Variants in DCTD observed in about 807,000 individuals in gnomAD.
DCTD encodes the protein dCMP deaminase.
In DCTD, 23 loss-of-function variants were observed where a neutral mutation model predicts 21.0. The ratio of observed to expected loss-of-function variants is 1.09; its 90% CI spans 0.79 to 1.55. The LOEUF (loss-of-function observed/expected upper bound fraction) is 1.55. Ranked by LOEUF, DCTD falls within the 40% of genes most tolerant of loss-of-function variation. DCTD has a pLI of 0.00. For missense variants in DCTD, 224 were observed against 230.0 expected, an observed-to-expected ratio of 0.97 and a Z score of 0.17; for synonymous variants, 71 against 81.1, an observed-to-expected ratio of 0.88 and a Z score of 0.67.
intron 3 of DCTD, among the ~76,000 whole-genome samples, chr4:182,904,420 C>T (rs1233463616): frequency 6.6e-6 from 1 of 152,210 alleles, no homozygotes; most frequent in Non-Finnish European, 1.5e-5. Context: ...GAGCGCTAAT[C>T]AGCGCTGATA....
chr4:182,907,441 T>C (rs148226738), intron 3 of DCTD, among the ~76,000 whole-genome samples: 1 of 152,192 alleles, frequency 6.6e-6, no homozygotes, highest in Non-Finnish European at 1.5e-5. Context: ...TCAGCTAGGA[T>C]CTTTTTCTTT....
chr4:182,910,856 G>A (rs945142020), intron 3 of DCTD, among the ~76,000 whole-genome samples: 4 of 152,164 alleles, frequency 2.6e-5, no homozygotes, highest in Non-Finnish European at 5.9e-5. Context: ...ACACAGCCCA[G>A]GAAAAGCTCC....
chr4:182,896,165 AGTCCC>A (rs1734691093), intron 3 of DCTD, among the ~76,000 whole-genome samples: 2 of 152,194 alleles, frequency 1.3e-5, no homozygotes, highest in South Asian at 2.1e-4. Context: ...CATACATTTC[AGTCCC>A]GACTCACTTG....
At position 182,893,044 on chromosome 4, in the gene DCTD, C is replaced by T. The variant is rs755893484; in HGVS notation, c.445G>A (p.Gly149Arg). 56 of 1,610,694 alleles carry T rather than the reference C, an allele frequency of 3.5e-5. No individual in the cohort carries two copies. Among genetic ancestry groups the T allele is most frequent in the South Asian group, 6.6e-5 (6 of 90,828 alleles). ...TAARLLFNMA[G>R]VTFRKFIPKC... ...CTCCCCACTTACCGGAATGTCACCCCGGCCATATTAAACAGGAGCCTCGCA... is the reference window on the plus strand; with the variant it reads ...CTCCCCACTTACCGGAATGTCACCCTGGCCATATTAAACAGGAGCCTCGCA... Residue 149 changes from glycine to arginine, a missense_variant, in exon 5 of 6, where the codon GGG becomes AGG. Physicochemically the swap from Gly to Arg is moderately radical, Grantham distance 125. Coordinates refer to ENST00000438320, the MANE Select transcript of DCTD (RefSeq NM_001921.3).
chr4:182,916,757 C>A, intron 1 of DCTD: 1 of 1,103,892 alleles, frequency 9.1e-7, no homozygotes, highest in Non-Finnish European at 1.1e-6. Flanking sequence ...CCATGGGGGG[C>A]GAGGGAAGAG....
intron 3 of DCTD, among the ~76,000 whole-genome samples, chr4:182,904,232 C>T (rs1327392754): frequency 1.3e-5 from 2 of 152,124 alleles, no homozygotes; most frequent in African/African-American, 4.8e-5. Context: ...ATAAAGCCCC[C>T]AGAACTCTAA....
intron 3 of DCTD, among the ~76,000 whole-genome samples, chr4:182,905,571 C>T (rs1736557993): frequency 6.6e-6 from 1 of 152,044 alleles, no homozygotes; most frequent in African/African-American, 2.4e-5. Flanking sequence ...TCATGATCTC[C>T]CCGCCTCGGC....
At chr4:182,892,627 CA>C (rs11378889) in intron 5 of DCTD, among the ~76,000 whole-genome samples, 12 of 150,032 alleles carry the variant, frequency 8.0e-5, no homozygotes, top group Admixed American at 6.6e-5. Context: ...GACTCCGTCT[CA>C]AAAAAAAAAG....
chr4:182,915,124 G>C, intron 2 of DCTD, 66 bp from the exon 3 acceptor site: 2 of 1,602,200 alleles, frequency 1.2e-6, no homozygotes, highest in Admixed American at 1.7e-5. Context: ...TGGAAGCAGG[G>C]AATAAAACCA....
At chr4:182,893,956 T>C (rs1398792017) in intron 4 of DCTD, among the ~76,000 whole-genome samples, 1 of 152,234 alleles carries the variant, frequency 6.6e-6, no homozygotes, top group Non-Finnish European at 1.5e-5. Flanking sequence ...ATGTGACAGT[T>C]TGAAAAAGGC....
intron 3 of DCTD, among the ~76,000 whole-genome samples, chr4:182,896,255 C>T (rs1734713851): frequency 6.7e-6 from 1 of 148,838 alleles, no homozygotes. Context: ...CCTCAGCCAC[C>T]CTCTCGTGTT....
At chr4:182,892,560 C>T (rs62337931) in intron 5 of DCTD, among the ~76,000 whole-genome samples, 19,116 of 151,704 alleles carry the variant, frequency 0.13, 1,536 homozygotes, top group Non-Finnish European at 0.19. Flanking sequence ...ACCTGAGAAG[C>T]GGAGGTTGCA....
chr4:182,913,806 C>G (rs1307524359), intron 3 of DCTD, among the ~76,000 whole-genome samples: 1 of 152,132 alleles, frequency 6.6e-6, no homozygotes, highest in African/African-American at 2.4e-5. Flanking sequence ...CCAAGGAATG[C>G]AAGGAAAAGT....
At chr4:182,897,507 C>CATAT (rs10547938) in intron 3 of DCTD, among the ~76,000 whole-genome samples, 4 of 146,974 alleles carry the variant, frequency 2.7e-5, no homozygotes, top group Admixed American at 1.4e-4. Flanking sequence ...ATTTAGCACC[C>CATAT]ATATATATAT....
At chr4:182,908,543 G>A (rs532133244) in intron 3 of DCTD, among the ~76,000 whole-genome samples, 5 of 152,010 alleles carry the variant, frequency 3.3e-5, no homozygotes, top group Admixed American at 1.3e-4. Context: ...TTAACCAGGC[G>A]TGGTGGCACG....
intron 3 of DCTD, among the ~76,000 whole-genome samples, chr4:182,903,236 A>C (rs538723462): frequency 6.6e-6 from 1 of 152,308 alleles, no homozygotes; most frequent in African/African-American, 2.4e-5. Flanking sequence ...GGCAGGAACC[A>C]GGTCTTCCTG....
At position 182,915,088 on chromosome 4, in the gene DCTD, G is replaced by A. The variant is rs766527025; in HGVS notation, c.109-30C>T. On this transcript the variant is annotated intron_variant, in intron 2 of 5. Transcript: ENST00000438320. ...AAGGAAACATGCCCAAAGGCTTGGT[G>A]CCTGCAACTGGCTGGTCTGCCGCTG... 2.5e-6 allele frequency: 4 copies of A among 1,614,076 alleles called. No homozygotes were observed. The Admixed American group carries it at 6.7e-5, about 27-fold the overall frequency.
At chr4:182,894,693 G>A in intron 3 of DCTD, 88 bp from the exon 4 acceptor site, 1 of 822,078 alleles carries the variant, frequency 1.2e-6, no homozygotes, top group Non-Finnish European at 2.1e-6. Flanking sequence ...TCCCCCCTCT[G>A]AAATAACATA....
At chr4:182,903,771 A>G (rs1286850604) in intron 3 of DCTD, among the ~76,000 whole-genome samples, 1 of 152,088 alleles carries the variant, frequency 6.6e-6, no homozygotes, top group African/African-American at 2.4e-5. Flanking sequence ...GGGGTCTTGG[A>G]GACCCCTGGT....
Sources: allele counts gnomAD v4.1 joint callset (sites outside exome capture counted in the v4.1 genomes callset), GRCh38; gene constraint gnomAD v4.1.1; transcripts MANE v1.5; gene names NCBI Gene and HGNC (gene_info 2026-07-23, HGNC 2026-07-21).